Variants in NFIL3 observed in about 807,000 individuals in gnomAD.
NFIL3 encodes nuclear factor, interleukin 3 regulated, also known as nuclear factor interleukin-3-regulated protein.
A neutral mutation model predicts 10.0 loss-of-function variants in NFIL3; 5 were observed. The ratio of observed to expected loss-of-function variants is 0.50; its 90% CI spans 0.26 to 1.06. The LOEUF is 1.06. Ranked by LOEUF, NFIL3 falls within the 50% of genes least tolerant of loss-of-function variation. The pLI, the probability that NFIL3 is intolerant of heterozygous loss-of-function variation, is 0.13. For synonymous variants in NFIL3, 202 were observed against 206.5 expected (o/e 0.98, Z 0.19); for missense variants, 436 against 547.6 (o/e 0.80, Z 2.03).
the NFIL3 span, among the ~76,000 whole-genome samples, chr9:91,434,600 A>G: frequency 1.3e-5 from 2 of 152,240 alleles, no homozygotes; most frequent in East Asian, 3.8e-4. Flanking sequence ...TTTGTTTGAT[A>G]AAAGACACCT....
At chr9:91,429,968 A>G in the NFIL3 span, among the ~76,000 whole-genome samples, 3 of 152,072 alleles carry the variant, frequency 2.0e-5, no homozygotes, top group East Asian at 1.9e-4. Context: ...ACCTTTTGAC[A>G]ACCATTTATA....
chr9:91,455,472 G>C, the NFIL3 span, among the ~76,000 whole-genome samples: 114 of 152,090 alleles, frequency 7.5e-4, no homozygotes, highest in Middle Eastern at 3.4e-3. Context: ...CTATCATTCT[G>C]TATTTTGTGG....
upstream of NFIL3, among the ~76,000 whole-genome samples, chr9:91,425,920 G>A (rs1401504311): frequency 6.6e-6 from 1 of 152,164 alleles, no homozygotes; most frequent in African/African-American, 2.4e-5. Flanking sequence ...CTATTGTCTA[G>A]AAATCCAGGG....
the NFIL3 span, among the ~76,000 whole-genome samples, chr9:91,465,531 A>C: frequency 7.4e-3 from 1,123 of 151,912 alleles, 36 homozygotes; most frequent in East Asian, 0.092. Context: ...TTCCCATTAG[A>C]GCTCTTAACA....
chr9:91,449,649 C>T, the NFIL3 span, among the ~76,000 whole-genome samples: 1,033 of 151,970 alleles, frequency 6.8e-3, 11 homozygotes, highest in African/African-American at 0.023. Flanking sequence ...TCATAAGGGA[C>T]GTTGGTCTGA....
chr9:91,470,151 C>T, the NFIL3 span, among the ~76,000 whole-genome samples: 26 of 151,988 alleles, frequency 1.7e-4, no homozygotes, highest in African/African-American at 5.8e-4. Context: ...GCTGTGAATC[C>T]TTCTGGTCCT....
chr9:91,429,883 G>C, the NFIL3 span, among the ~76,000 whole-genome samples: 1 of 151,916 alleles, frequency 6.6e-6, no homozygotes. Flanking sequence ...CCACATCCCA[G>C]CTTGCCCACA....
the NFIL3 span, among the ~76,000 whole-genome samples, chr9:91,454,494 G>A: frequency 1.3e-5 from 2 of 151,790 alleles, no homozygotes; most frequent in South Asian, 2.1e-4. Flanking sequence ...TAGAAATTGG[G>A]CCATAATTCA....
chr9:91,475,430 T>C, the NFIL3 span, among the ~76,000 whole-genome samples: 1 of 152,214 alleles, frequency 6.6e-6, no homozygotes, highest in African/African-American at 2.4e-5. Context: ...TGGGCTAACA[T>C]GACAGTCAAT....
the NFIL3 span, among the ~76,000 whole-genome samples, chr9:91,444,240 G>C: frequency 1.3e-5 from 2 of 151,176 alleles, no homozygotes; most frequent in South Asian, 2.1e-4. Flanking sequence ...TCATTTCATT[G>C]ATCAAATTCT....
chr9:91,412,296 A>G (rs1352821856), intron 1 of NFIL3, among the ~76,000 whole-genome samples: 1 of 152,170 alleles, frequency 6.6e-6, no homozygotes, highest in African/African-American at 2.4e-5. Context: ...AGAATCATTC[A>G]TTAGTTTCCT....
chr9:91,457,524 G>T, the NFIL3 span, among the ~76,000 whole-genome samples: 1 of 151,752 alleles, frequency 6.6e-6, no homozygotes, highest in African/African-American at 2.4e-5. Flanking sequence ...ATTTCTCATT[G>T]TTCATTGTTA....
intron 1 of NFIL3, among the ~76,000 whole-genome samples, chr9:91,421,393 G>A (rs1833763973): frequency 6.6e-6 from 1 of 151,930 alleles, no homozygotes; most frequent in Non-Finnish European, 1.5e-5. Context: ...CGGGTGGGCG[G>A]CGCAGCGGGG....
At chr9:91,443,233 TG>T in the NFIL3 span, among the ~76,000 whole-genome samples, 1 of 152,180 alleles carries the variant, frequency 6.6e-6, no homozygotes, top group Non-Finnish European at 1.5e-5. Context: ...GACTGGTCCA[TG>T]GGCAGCCACG....
chr9:91,418,057 T>C (rs10991926), intron 1 of NFIL3, among the ~76,000 whole-genome samples: 67,888 of 152,034 alleles, frequency 0.45, 17,307 homozygotes, highest in African/African-American at 0.71. Flanking sequence ...TATGAAATAG[T>C]ATAACTTAAC....
intron 1 of NFIL3, among the ~76,000 whole-genome samples, chr9:91,422,388 C>T (rs1287939051): frequency 6.6e-6 from 1 of 151,982 alleles, no homozygotes; most frequent in Non-Finnish European, 1.5e-5. Flanking sequence ...TCATTTAGGG[C>T]AAAAGACACA....
intron 1 of NFIL3, among the ~76,000 whole-genome samples, chr9:91,411,340 C>T (rs1376357893): frequency 6.6e-6 from 1 of 152,172 alleles, no homozygotes; most frequent in East Asian, 1.9e-4. Flanking sequence ...CTAATATTTA[C>T]ATCACTGCCA....
chr9:91,469,969 C>T, the NFIL3 span, among the ~76,000 whole-genome samples: 2 of 152,154 alleles, frequency 1.3e-5, no homozygotes, highest in Non-Finnish European at 2.9e-5. Flanking sequence ...TGATGTTCAT[C>T]AGGGATATTG....
chr9:91,473,690 G>A, the NFIL3 span, among the ~76,000 whole-genome samples: 1 of 152,200 alleles, frequency 6.6e-6, no homozygotes, highest in Non-Finnish European at 1.5e-5. Flanking sequence ...CCTGCCCTGT[G>A]TTGGCTCACC....
Sources: gnomAD v4.1 joint callset for allele counts (sites outside exome capture counted in the v4.1 genomes callset) on GRCh38, gnomAD v4.1.1 for gene constraint, MANE v1.5 for transcripts, NCBI Gene and HGNC (gene_info 2026-07-23, HGNC 2026-07-21) for gene names.